LGI4: variants seen among roughly 807,000 people sequenced by gnomAD.
LGI4 encodes leucine rich repeat LGI family member 4.
In LGI4, 36 loss-of-function variants were observed where a neutral mutation model predicts 48.3. That is an observed-to-expected ratio of 0.75 (90% CI 0.57 to 0.98). The LOEUF (loss-of-function observed/expected upper bound fraction) is 0.98, where lower values mean the gene tolerates loss of function less well. Ranked by LOEUF, LGI4 falls within the 50% of genes least tolerant of loss-of-function variation. LGI4 has a pLI of 0.00. For missense variants in LGI4, 701 were observed against 732.1 expected, an observed-to-expected ratio of 0.96 and a Z score of 0.49; for synonymous variants, 355 against 331.6, an observed-to-expected ratio of 1.07 and a Z score of -0.77.
chr19:35,131,081 G>A (rs180972509), intron 6 of LGI4: 2 of 591,096 alleles, frequency 3.4e-6, no homozygotes, highest in Admixed American at 3.1e-5. Context: ...ACTTAACGAA[G>A]AATTTTTAAA....
chr19:35,129,195 A>C (rs1391615133), intron 6 of LGI4, among the ~76,000 whole-genome samples: 1 of 152,318 alleles, frequency 6.6e-6, no homozygotes, highest in East Asian at 1.9e-4. Context: ...CATTTGTTGG[A>C]TAACTTGAAT....
At chr19:35,132,770 A>G (rs537389921) in intron 3 of LGI4, among the ~76,000 whole-genome samples, 1 of 152,092 alleles carries the variant, frequency 6.6e-6, no homozygotes, top group Non-Finnish European at 1.5e-5. Flanking sequence ...CGCATCTCCA[A>G]TGCAGCACTA....
rs1336870120 is a variant in LGI4 at position 35,131,462 on chromosome 19, G to T, written c.552C>A (p.Ala184=). The T allele has an allele frequency of 6.4e-7, 1 of 1,551,726 alleles. No individual in the cohort carries two copies. Among genetic ancestry groups the T allele is most frequent in the Admixed American group, 2.0e-5 (1 of 51,056 alleles). ...GGCTCAGGGAGGCGGGGCCCGCACA[G>T]GCGCCGGTCCCCACGCTGGCATTCA... ...PTVNASVGTG[A]CAGPASLSHM... The change falls in exon 6 of 9, where the codon GCC becomes GCA. Residue 184 remains alanine, a synonymous_variant. Coordinates refer to ENST00000310123, the MANE Select transcript of LGI4 (RefSeq NM_139284.3).
In LGI4 at chr19:35,125,313, G is replaced by A. The variant is rs778892124; in HGVS notation, c.1494C>T (p.Ala498=). The A allele has an allele frequency of 2.5e-6, 4 of 1,611,784 alleles. No homozygotes were observed. Among genetic ancestry groups the A allele is most frequent in the East Asian group, 4.5e-5 (2 of 44,808 alleles). ...LEPLQELGPP[A]LVAPRAFAHI... is the part of the protein sequence containing the mutation. ...GGGCAAAGGCACGGGGGGCCACCAG[G>A]GCCGGAGGCCCCAGCTCCTGCAGTG... The change falls in exon 9 of 9, where the codon GCC becomes GCT. Residue 498 remains alanine (A), a synonymous_variant. Coordinates refer to ENST00000310123, the MANE Select transcript of LGI4 (RefSeq NM_139284.3).
intron 6 of LGI4, among the ~76,000 whole-genome samples, chr19:35,130,810 T>C (rs1332326224): frequency 1.3e-5 from 2 of 152,096 alleles, no homozygotes; most frequent in African/African-American, 2.4e-5. Flanking sequence ...CTCCCTCAGC[T>C]CCCACAGCTT....
chr19:35,134,453 T>A, intron 1 of LGI4, 58 bp downstream of exon 1: 1 of 1,525,660 alleles, frequency 6.6e-7, no homozygotes, highest in South Asian at 1.2e-5. Context: ...CATCCCAACC[T>A]CTGGGGTCCC....
At chr19:35,125,547 G>C in intron 8 of LGI4, 40 bp from the exon 9 acceptor site, 1 of 1,474,706 alleles carries the variant, frequency 6.8e-7, no homozygotes, top group Non-Finnish European at 9.1e-7. Flanking sequence ...GGTCCCGGGG[G>C]TCTCTGGGGG....
At position 35,125,131 on chromosome 19, in the gene LGI4, C is replaced by T. The variant is rs2065121934; in HGVS notation, c.*62G>A. ...AGGCGGGCCATCACCCCAAGTAGGGCCAGGAGCCAGCCAAGGGGCCGTCCA... is the reference window on the plus strand; with the variant it reads ...AGGCGGGCCATCACCCCAAGTAGGGTCAGGAGCCAGCCAAGGGGCCGTCCA... On this transcript the variant is annotated 3_prime_UTR_variant, in exon 9 of 9. Transcript: ENST00000310123. 1 of 1,429,852 alleles carries T rather than the reference C, an allele frequency of 7.0e-7. No homozygotes were observed. Among genetic ancestry groups the T allele is most frequent in the East Asian group, 2.3e-5 (1 of 42,898 alleles). 88.6% of individuals were successfully genotyped at this position (1,429,852 alleles called of 1,614,324 possible).
At position 35,126,834 on chromosome 19, in the gene LGI4, G is replaced by A. The variant is rs760438205; in HGVS notation, c.793+19C>T. The A allele has an allele frequency of 6.2e-6, 10 of 1,604,702 alleles. No homozygotes were observed. The Admixed American group carries it at 1.5e-4, about 24-fold the overall frequency. On this transcript the variant is annotated intron_variant, in intron 7 of 8. Coordinates refer to ENST00000310123, the MANE Select transcript of LGI4 (RefSeq NM_139284.3). ...CAGGCAGGCTGCTGGACAGGCAGAAGGACGGGGAGGGGGCTCACCGGGCAG... is the reference window on the plus strand; with the variant it reads ...CAGGCAGGCTGCTGGACAGGCAGAAAGACGGGGAGGGGGCTCACCGGGCAG...
chr19:35,131,815 G>A lies in LGI4; in HGVS notation c.432C>T (p.Phe144=), dbSNP rs1250073436. The A allele has an allele frequency of 1.3e-6, 2 of 1,571,596 alleles. No individual in the cohort carries two copies. The highest frequency in any genetic ancestry group is 1.7e-6 in the Non-Finnish European group (2 of 1,157,962). ...NHLETLPRFL[F]RGLDTLTHVD... The stretch of plus-strand genomic sequence containing the variant: ...CATGAGTAAGGGTGTCCAGGCCTCG[G>A]AACAGGAATCTGGGGAGGGTCTCCA... Residue 144 remains phenylalanine (F), a synonymous_variant, in exon 5 of 9, where the codon TTC becomes TTT. Transcript: ENST00000310123.
In LGI4 at chr19:35,134,036, A is replaced by G. The variant is rs1161203021; in HGVS notation, c.239T>C (p.Leu80Pro). The G allele has an allele frequency of 2.6e-6, 4 of 1,560,046 alleles. No homozygotes were observed. The highest frequency in any genetic ancestry group is 2.7e-5 in the African/African-American group (2 of 73,606). Residue 80 changes from leucine (L) to proline (P), a missense_variant, in exon 2 of 9, where the codon CTG becomes CCG. Physicochemically the swap from Leu to Pro is moderately conservative, Grantham distance 98. This residue lies in a region of LGI4 where 462 missense variants were observed against 436.4 expected (regional missense o/e 1.06). Transcript: ENST00000310123. ...GGCCCAGCCAGGCCCCACTCACAGC[A>G]GGTGCAGAGACGGAATTCTCAGGAA... ...GSFLRIPSLH[L>P]LLFTSNSFSV...
At chr19:35,130,953 A>T (rs2065170264) in intron 6 of LGI4, 2 of 433,538 alleles carry the variant, frequency 4.6e-6, no homozygotes, top group African/African-American at 2.1e-5. Flanking sequence ...TGGCCTCATC[A>T]TTCTGTGCTC....
chr19:35,131,193 A>G (rs2065171738), intron 6 of LGI4, 193 bp downstream of exon 6: 1 of 712,338 alleles, frequency 1.4e-6, no homozygotes, highest in Non-Finnish European at 2.5e-6. Context: ...TTGAATTCCC[A>G]TGGCACTCCT....
chr19:35,133,001 A>G (rs2065185932), intron 3 of LGI4, among the ~76,000 whole-genome samples: 1 of 152,150 alleles, frequency 6.6e-6, no homozygotes, highest in South Asian at 2.1e-4. Flanking sequence ...CCAATACTGT[A>G]ATGACCCACC....
intron 2 of LGI4, 121 bp from the exon 3 acceptor site, chr19:35,133,885 C>T: frequency 1.5e-6 from 2 of 1,315,710 alleles, no homozygotes; most frequent in Non-Finnish European, 2.1e-6. Flanking sequence ...TGTGCATGGA[C>T]ACAAATGCTT....
chr19:35,130,663 C>T (rs1175968105), intron 6 of LGI4, among the ~76,000 whole-genome samples: 1 of 152,230 alleles, frequency 6.6e-6, no homozygotes, highest in Non-Finnish European at 1.5e-5. Context: ...CGCCATTGCA[C>T]TCCAGCCTGG....
At chr19:35,125,557 G>T (rs1259686756) in intron 8 of LGI4, 50 bp from the exon 9 acceptor site, 9 of 1,445,776 alleles carry the variant, frequency 6.2e-6, no homozygotes, top group South Asian at 1.4e-5. Flanking sequence ...GTCTCTGGGG[G>T]CCGTGGAACA....
rs774108622 is a variant in LGI4, at chr19:35,133,776, G to C, written c.243-12C>G. 1 of 1,599,114 alleles carries C rather than the reference G, an allele frequency of 6.3e-7. No homozygotes were observed. The highest frequency in any genetic ancestry group is 8.5e-7 in the Non-Finnish European group (1 of 1,173,186). On this transcript the variant is annotated splice_polypyrimidine_tract_variant and intron_variant, in intron 2 of 8. Transcript: ENST00000310123. ...TGGAGGTGAAGAGGCTGGCAAGGGG[G>C]CAAGAAAGAAATTTTTCCAGAATTG...
intron 3 of LGI4, among the ~76,000 whole-genome samples, chr19:35,132,440 C>G (rs1204118013): frequency 6.6e-6 from 1 of 151,754 alleles, no homozygotes; most frequent in African/African-American, 2.4e-5. Context: ...ACCCTGCCAC[C>G]ACCATCACCA....
Sources: gnomAD v4.1 joint callset for allele counts (sites outside exome capture counted in the v4.1 genomes callset) on GRCh38, gnomAD v4.1.1 for gene constraint, gnomAD v4.1.1 regional missense constraint, MANE v1.5 for transcripts, NCBI Gene and HGNC (gene_info 2026-07-23, HGNC 2026-07-21) for gene names.